ZBTB7C: variants seen among roughly 807,000 people sequenced by gnomAD.
ZBTB7C encodes zinc finger and BTB domain containing 7C, also known as zinc finger and BTB domain-containing protein 7C.
ZBTB7C carries 8 observed loss-of-function variants against 25.7 expected under a neutral mutation model. The ratio of observed to expected loss-of-function variants is 0.31; its 90% confidence interval spans 0.18 to 0.56. The LOEUF is 0.56. ZBTB7C is among the 20% of genes least tolerant of loss of function. ZBTB7C has a pLI of 0.91. For synonymous variants in ZBTB7C, 394 were observed against 369.0 expected, an observed-to-expected ratio of 1.07 and a Z score of -0.78; for missense variants, 824 against 855.2, an observed-to-expected ratio of 0.96 and a Z score of 0.46.
At chr18:48,270,308 A>G (rs1416274665) in intron 2 of ZBTB7C, among the ~76,000 whole-genome samples, 3 of 119,770 alleles carry the variant, frequency 2.5e-5, no homozygotes, top group African/African-American at 9.9e-5. Context: ...GCCAGGCTGG[A>G]GTGCAGTGGT....
intron 2 of ZBTB7C, among the ~76,000 whole-genome samples, chr18:48,206,620 A>C (rs752124333): frequency 4.6e-5 from 7 of 152,226 alleles, no homozygotes; most frequent in Non-Finnish European, 7.3e-5. Flanking sequence ...TGATCTCACC[A>C]CTGCATTCCA....
intron 2 of ZBTB7C, among the ~76,000 whole-genome samples, chr18:48,200,078 C>G (rs2145197551): frequency 6.6e-6 from 1 of 151,866 alleles, no homozygotes; most frequent in Non-Finnish European, 1.5e-5. Context: ...CCTTAGCCAC[C>G]CTGCCTGGAG....
chr18:48,341,665 C>G (rs183287509), intron 1 of ZBTB7C, among the ~76,000 whole-genome samples: 1 of 152,368 alleles, frequency 6.6e-6, no homozygotes, highest in East Asian at 1.9e-4. Flanking sequence ...AGGGCTACAG[C>G]ATGCCGCTTG....
At chr18:48,059,237 C>T (rs148158118) in intron 3 of ZBTB7C, among the ~76,000 whole-genome samples, 391 of 152,078 alleles carry the variant, frequency 2.6e-3, no homozygotes, top group Middle Eastern at 6.8e-3. Context: ...GTATCTCCAA[C>T]AAAATAGTAA....
chr18:48,355,117 A>G (rs990032512), intron 1 of ZBTB7C, among the ~76,000 whole-genome samples: 6 of 152,198 alleles, frequency 3.9e-5, no homozygotes, highest in Non-Finnish European at 7.3e-5. Context: ...GAGCTAGCAC[A>G]GTGCATTCAG....
intron 3 of ZBTB7C, among the ~76,000 whole-genome samples, chr18:48,106,899 G>C (rs2144642480): frequency 6.6e-6 from 1 of 152,240 alleles, no homozygotes; most frequent in Non-Finnish European, 1.5e-5. Flanking sequence ...GAAGGGGCTG[G>C]GAGAGGGGGA....
intron 3 of ZBTB7C, among the ~76,000 whole-genome samples, chr18:48,099,952 C>T (rs2038773110): frequency 6.6e-6 from 1 of 152,242 alleles, no homozygotes; most frequent in Non-Finnish European, 1.5e-5. Context: ...ACCTGCTGGA[C>T]TGCAGCCTTA....
intron 2 of ZBTB7C, among the ~76,000 whole-genome samples, chr18:48,307,746 GC>G (rs2045710009): frequency 6.6e-6 from 1 of 152,164 alleles, no homozygotes; most frequent in Middle Eastern, 3.2e-3. Flanking sequence ...TACTTGGGAG[GC>G]CAAGGAAGGA....
At chr18:48,097,879 C>CTT (rs150686674) in intron 3 of ZBTB7C, among the ~76,000 whole-genome samples, 3,061 of 145,586 alleles carry the variant, frequency 0.021, 36 homozygotes, top group Non-Finnish European at 0.031. Flanking sequence ...TTACAAGCAT[C>CTT]TTTTTTTTTT....
intron 2 of ZBTB7C, among the ~76,000 whole-genome samples, chr18:48,218,154 C>T (rs949316188): frequency 6.6e-6 from 1 of 152,208 alleles, no homozygotes; most frequent in Non-Finnish European, 1.5e-5. Flanking sequence ...GCAGCGTCCA[C>T]GTTCAGCTTC....
At chr18:48,048,469 A>T (rs554100339) in intron 3 of ZBTB7C, among the ~76,000 whole-genome samples, 1 of 152,320 alleles carries the variant, frequency 6.6e-6, no homozygotes, top group South Asian at 2.1e-4. Flanking sequence ...CCGCTCTCAG[A>T]TAGCCTGGGC....
At chr18:48,265,679 C>T (rs1365267823) in intron 2 of ZBTB7C, among the ~76,000 whole-genome samples, 2 of 152,180 alleles carry the variant, frequency 1.3e-5, no homozygotes, top group African/African-American at 4.8e-5. Context: ...AGAGGCATCT[C>T]TTGAATCTAA....
intron 4 of ZBTB7C, among the ~76,000 whole-genome samples, chr18:48,033,838 T>C (rs1360715449): frequency 1.3e-5 from 2 of 152,202 alleles, no homozygotes; most frequent in African/African-American, 2.4e-5. Context: ...GCATTGGAGC[T>C]GGAGGTGGTG....
chr18:48,256,046 G>A (rs769206147), intron 2 of ZBTB7C, among the ~76,000 whole-genome samples: 15 of 152,228 alleles, frequency 9.9e-5, no homozygotes, highest in Middle Eastern at 3.4e-3. Flanking sequence ...TGTAATTAAA[G>A]TCTCCAGAGG....
At chr18:48,315,136 G>A (rs1477868087) in intron 2 of ZBTB7C, among the ~76,000 whole-genome samples, 1 of 152,180 alleles carries the variant, frequency 6.6e-6, no homozygotes, top group Non-Finnish European at 1.5e-5. Context: ...AGCCAGGGGA[G>A]TTGAGACACT....
At chr18:48,128,815 C>T (rs1379001016) in intron 3 of ZBTB7C, among the ~76,000 whole-genome samples, 1 of 152,158 alleles carries the variant, frequency 6.6e-6, no homozygotes, top group African/African-American at 2.4e-5. Flanking sequence ...CTATATAATT[C>T]AGCCGTGTAA....
chr18:48,185,985 C>T lies in ZBTB7C; in HGVS notation c.-68G>A, dbSNP rs930193339. 6.6e-6 allele frequency: 1 copy of T among 152,290 alleles called. No homozygotes were observed. The highest frequency in any genetic ancestry group is 1.5e-5 in the Non-Finnish European group (1 of 68,062). The allele number at this position is 152,290 out of a possible 1,614,324, so 9.4% of individuals were successfully genotyped here. A position where few individuals can be genotyped will look rare whatever the true frequency, so the allele number is the denominator to read the frequency against. ...TCAGGACACCAGTTTTTCTGCAAATCTGCTCATTTCCTGCAAAGAGAAGAA... is the reference window on the plus strand; with the variant it reads ...TCAGGACACCAGTTTTTCTGCAAATTTGCTCATTTCCTGCAAAGAGAAGAA... On this transcript the variant is annotated 5_prime_UTR_variant, in exon 3 of 5. Coordinates refer to ENST00000590800, the MANE Select transcript of ZBTB7C (RefSeq NM_001318841.2).
At chr18:48,297,671 A>G (rs1030951531) in intron 2 of ZBTB7C, among the ~76,000 whole-genome samples, 20 of 152,022 alleles carry the variant, frequency 1.3e-4, no homozygotes, top group Non-Finnish European at 2.5e-4. Context: ...AACCTCACAG[A>G]CTCCCAAATG....
chr18:48,355,988 G>C (rs2046969234), intron 1 of ZBTB7C, among the ~76,000 whole-genome samples: 1 of 152,162 alleles, frequency 6.6e-6, no homozygotes, highest in Admixed American at 6.5e-5. Context: ...AGCAGCAACA[G>C]GCAACTTGCT....
Sources: gnomAD v4.1 joint callset for allele counts (sites outside exome capture counted in the v4.1 genomes callset) on GRCh38, gnomAD v4.1.1 for gene constraint, MANE v1.5 for transcripts, NCBI Gene and HGNC (gene_info 2026-07-23, HGNC 2026-07-21) for gene names.